Variants in TFCP2L1 observed in about 807,000 individuals in gnomAD.
TFCP2L1 encodes the protein transcription factor CP2 like 1.
Under a neutral mutation model 72.2 loss-of-function variants are expected in TFCP2L1, and 12 were observed. The ratio of observed to expected loss-of-function variants is 0.17; its 90% CI spans 0.11 to 0.27. The LOEUF (loss-of-function observed/expected upper bound fraction) is 0.27. TFCP2L1 is among the 10% of genes least tolerant of loss of function. TFCP2L1 has a pLI of 1.00. For synonymous variants in TFCP2L1, 260 were observed against 251.0 expected (o/e 1.04, Z -0.34); for missense variants, 488 against 624.6 (o/e 0.78, Z 2.33).
chr2:121,251,260 G>GAA (rs879262627), intron 2 of TFCP2L1, among the ~76,000 whole-genome samples: 7 of 135,576 alleles, frequency 5.2e-5, no homozygotes, highest in South Asian at 4.6e-4. Context: ...GGTCTCAAAA[G>GAA]AAAAAAAAAA....
chr2:121,271,200 T>TAAAAAAAA (rs70954542), intron 2 of TFCP2L1, among the ~76,000 whole-genome samples: 2 of 129,956 alleles, frequency 1.5e-5, no homozygotes, highest in Admixed American at 7.8e-5. Flanking sequence ...AAAATAAAAA[T>TAAAAAAAA]AAAAAAAAAA....
At position 121,281,268 on chromosome 2, in the gene TFCP2L1, A is replaced by G; in HGVS notation, c.66T>C (p.Asp22=). The change falls in exon 2 of 15, where the codon GAT becomes GAC. Residue 22 remains aspartate, a synonymous_variant. Transcript: ENST00000263707. ...NQHNSGSYLR[D]VLALPIFKQE... ...GCTTGAAGATGGGCAGAGCGAGCACATCACTGCAACACACGGGAAGCAGAG... is the reference window on the plus strand; with the variant it reads ...GCTTGAAGATGGGCAGAGCGAGCACGTCACTGCAACACACGGGAAGCAGAG... The G allele has an allele frequency of 6.2e-7, 1 of 1,601,328 alleles. No individual in the cohort carries two copies. Among genetic ancestry groups the G allele is most frequent in the African/African-American group, 1.3e-5 (1 of 74,542 alleles).
intron 5 of TFCP2L1, among the ~76,000 whole-genome samples, chr2:121,247,783 A>T (rs1344131009): frequency 1.3e-5 from 2 of 151,864 alleles, no homozygotes; most frequent in Non-Finnish European, 2.9e-5. Flanking sequence ...CCTTGATCTC[A>T]CATGGCATAT....
intron 13 of TFCP2L1, among the ~76,000 whole-genome samples, chr2:121,229,454 A>G (rs185901683): frequency 2.6e-5 from 4 of 152,374 alleles, no homozygotes; most frequent in Admixed American, 2.6e-4. Flanking sequence ...GCTGGCCTCC[A>G]GGACTGAGAG....
chr2:121,277,235 C>T lies in TFCP2L1; in HGVS notation c.214+3885G>A, dbSNP rs1362142835. Among the ~76,000 whole-genome samples the T allele has an allele frequency of 2.0e-5, 3 of 152,110 alleles. No individual in the cohort carries two copies. In the East Asian group the frequency reaches 5.8e-4, roughly 29 times the overall value. ...TAATTTAAGGCCAGGGGTGGTGGTACACACCTATAGTCACAGCTACTCAGG... is the reference window on the plus strand; with the variant it reads ...TAATTTAAGGCCAGGGGTGGTGGTATACACCTATAGTCACAGCTACTCAGG... On this transcript the variant is annotated intron_variant, in intron 2 of 14. Transcript: ENST00000263707.
chr2:121,267,499 CT>C (rs113957775), intron 2 of TFCP2L1, among the ~76,000 whole-genome samples: 90 of 142,950 alleles, frequency 6.3e-4, no homozygotes, highest in Non-Finnish European at 6.3e-4. Context: ...CATTAAAAAT[CT>C]TTTTTTTTTT....
rs1338012278 is a variant in TFCP2L1 at position 121,248,969 on chromosome 2, C to T, written c.397+13G>A. ...TCGAGCCTTGCCTGGCCTCTCCTGG[C>T]CAGGAGACTCACCGATGTCCAGGAT... On this transcript the variant is annotated intron_variant, in intron 4 of 14. Transcript: ENST00000263707. 6.4e-7 allele frequency: 1 copy of T among 1,570,600 alleles called. No homozygotes were observed. Among genetic ancestry groups the T allele is most frequent in the Non-Finnish European group, 8.6e-7 (1 of 1,158,756 alleles).
In TFCP2L1 at chr2:121,221,894, C is replaced by A. The variant is rs987960541; in HGVS notation, c.*2447G>T. 4 of 151,922 alleles carry A rather than the reference C, an allele frequency of 2.6e-5. No homozygotes were observed. Among genetic ancestry groups the A allele is most frequent in the Admixed American group, 2.0e-4 (3 of 15,254 alleles). The allele number at this position is 151,922 out of a possible 1,614,324, so 9.4% of individuals were successfully genotyped here. ...GCGTCTAGAATATACAAATAGCTCA[C>A]CCAACTCAATAATAAAAAGAAGGCT... On this transcript the variant is annotated 3_prime_UTR_variant, in exon 15 of 15. Transcript: ENST00000263707.
intron 2 of TFCP2L1, among the ~76,000 whole-genome samples, chr2:121,260,008 G>C (rs183151943): frequency 6.6e-6 from 1 of 152,208 alleles, no homozygotes; most frequent in Non-Finnish European, 1.5e-5. Context: ...CAATCAGACA[G>C]GTGGTATTTG....
chr2:121,268,900 C>T (rs1439168237), intron 2 of TFCP2L1, among the ~76,000 whole-genome samples: 1 of 151,156 alleles, frequency 6.6e-6, no homozygotes, highest in Non-Finnish European at 1.5e-5. Context: ...CAAGTTTCTA[C>T]ATTCAGTCAG....
At chr2:121,248,119 CAA>C (rs1364119933) in intron 5 of TFCP2L1, 43 bp downstream of exon 5, 1 of 1,576,810 alleles carries the variant, frequency 6.3e-7, no homozygotes, top group African/African-American at 1.3e-5. Flanking sequence ...CAGGCCACCC[CAA>C]AGACTAGGTC....
intron 2 of TFCP2L1, among the ~76,000 whole-genome samples, chr2:121,251,080 T>G (rs1007638851): frequency 6.6e-6 from 1 of 151,582 alleles, no homozygotes; most frequent in Non-Finnish European, 1.5e-5. Context: ...ACCAGTATAG[T>G]GAAACCCCAT....
At chr2:121,258,970 G>C (rs944751999) in intron 2 of TFCP2L1, among the ~76,000 whole-genome samples, 1 of 152,002 alleles carries the variant, frequency 6.6e-6, no homozygotes, top group Non-Finnish European at 1.5e-5. Flanking sequence ...TTGTCTGCTC[G>C]GGCGCGGTGG....
intron 1 of TFCP2L1, among the ~76,000 whole-genome samples, chr2:121,282,072 A>G (rs1400079148): frequency 6.6e-6 from 1 of 151,988 alleles, no homozygotes; most frequent in Non-Finnish European, 1.5e-5. Flanking sequence ...AGCTGGGATT[A>G]TAGGAATGAG....
chr2:121,281,388 G>A (rs931240092), intron 1 of TFCP2L1, 117 bp from the exon 2 acceptor site: 36 of 1,149,290 alleles, frequency 3.1e-5, no homozygotes, highest in South Asian at 2.1e-4. Flanking sequence ...CACGGCACGC[G>A]CATCGCAGGG....
intron 2 of TFCP2L1, among the ~76,000 whole-genome samples, chr2:121,258,622 C>G (rs946659636): frequency 1.3e-5 from 2 of 152,184 alleles, no homozygotes; most frequent in Non-Finnish European, 1.5e-5. Context: ...GAAACACAAG[C>G]AAACCCAAAC....
At chr2:121,260,249 A>G (rs1686804582) in intron 2 of TFCP2L1, among the ~76,000 whole-genome samples, 1 of 152,004 alleles carries the variant, frequency 6.6e-6, no homozygotes, top group Non-Finnish European at 1.5e-5. Flanking sequence ...CTGGCCCAGG[A>G]GAAGAGGGGA....
rs550991102 is a variant in TFCP2L1 at position 121,284,342 on chromosome 2, A to G, written c.62+706T>C. Among the ~76,000 whole-genome samples the G allele has an allele frequency of 3.9e-5, 6 of 152,332 alleles. No individual in the cohort carries two copies. The East Asian group carries it at 1.2e-3, about 29-fold the overall frequency. ...GCCAGCAGCAGAACAGGGAAAAACAATCCTCCGGGAGCGAGAGCACACGGG... is the reference window on the plus strand; with the variant it reads ...GCCAGCAGCAGAACAGGGAAAAACAGTCCTCCGGGAGCGAGAGCACACGGG... On this transcript the variant is annotated intron_variant, in intron 1 of 14. Transcript: ENST00000263707.
chr2:121,240,855 C>T (rs558257929), intron 7 of TFCP2L1, among the ~76,000 whole-genome samples: 1 of 152,304 alleles, frequency 6.6e-6, no homozygotes, highest in East Asian at 1.9e-4. Context: ...GGTGACTGAC[C>T]TTCAGTCAGA....
Sources: allele counts gnomAD v4.1 joint callset (sites outside exome capture counted in the v4.1 genomes callset), GRCh38; gene constraint gnomAD v4.1.1; transcripts MANE v1.5; gene names NCBI Gene and HGNC (gene_info 2026-07-23, HGNC 2026-07-21).